Variants in ABLIM1 observed in about 807,000 individuals in gnomAD.
ABLIM1 encodes the protein actin-binding LIM protein 1.
Under a neutral mutation model 107.0 loss-of-function variants are expected in ABLIM1, and 40 were observed. The ratio of observed to expected loss-of-function variants is 0.37; its 90% CI spans 0.29 to 0.49. The LOEUF is 0.49. Ranked by LOEUF, ABLIM1 falls within the 20% of genes least tolerant of loss-of-function variation. ABLIM1 has a pLI of 0.97. For synonymous variants in ABLIM1, 357 were observed against 357.3 expected, an observed-to-expected ratio of 1.00 and a Z score of 0.01; for missense variants, 857 against 1,008.5, an observed-to-expected ratio of 0.85 and a Z score of 2.04.
rs953054933 is a variant in ABLIM1 at position 114,447,732 on chromosome 10, C to T, written c.1735+148G>A. 101 of 1,120,526 alleles carry T rather than the reference C, an allele frequency of 9.0e-5. No individual in the cohort carries two copies. The Admixed American group carries it at 2.0e-3, about 22-fold the overall frequency. 69.4% of individuals were successfully genotyped at this position (1,120,526 alleles called of 1,614,324 possible). ...CGTTTTGTACAACAAGTTAATACCA[C>T]GTTAGTTCTTTTCACTATGCTACCT... On this transcript the variant is annotated intron_variant, in intron 15 of 22. Transcript: ENST00000533213.
At chr10:114,519,154 A>G (rs1353913154) in intron 6 of ABLIM1, among the ~76,000 whole-genome samples, 1 of 152,138 alleles carries the variant, frequency 6.6e-6, no homozygotes, top group African/African-American at 2.4e-5. Flanking sequence ...GGGGATAGAG[A>G]AGCACTGAGC....
chr10:114,547,960 T>C (rs936062107), intron 4 of ABLIM1, among the ~76,000 whole-genome samples, 184 bp from the exon 5 acceptor site: 4 of 152,220 alleles, frequency 2.6e-5, no homozygotes, highest in Non-Finnish European at 5.9e-5. Flanking sequence ...GGCTGCGTCC[T>C]CGGAAGGACA....
At chr10:114,684,581 C>G in exon 1 of ABLIM1, 2 of 1,330,444 alleles carry the variant, frequency 1.5e-6, no homozygotes, top group Non-Finnish European at 1.9e-6. Context: ...ACAGATTCTG[C>G]ATCCCCTTCT....
chr10:114,640,853 T>C (rs985339521), intron 1 of ABLIM1, among the ~76,000 whole-genome samples: 1 of 152,146 alleles, frequency 6.6e-6, no homozygotes, highest in Non-Finnish European at 1.5e-5. Context: ...AGCTTTATAT[T>C]TGAGTACCAC....
At chr10:114,551,140 C>G (rs2137810894) in intron 4 of ABLIM1, among the ~76,000 whole-genome samples, 1 of 152,296 alleles carries the variant, frequency 6.6e-6, no homozygotes, top group East Asian at 1.9e-4. Context: ...CGGACAACAG[C>G]CATTGCCTAG....
chr10:114,602,303 A>G (rs1462539452), intron 1 of ABLIM1, among the ~76,000 whole-genome samples: 8 of 152,146 alleles, frequency 5.3e-5, no homozygotes, highest in African/African-American at 1.7e-4. Context: ...ATGCCTTTAT[A>G]TTGATTTAGA....
intron 4 of ABLIM1, among the ~76,000 whole-genome samples, chr10:114,559,562 T>TG (rs1013247330): frequency 1.8e-4 from 28 of 152,038 alleles, no homozygotes; most frequent in African/African-American, 6.3e-4. Context: ...GTGCTCACCC[T>TG]GGGGTCTCCC....
chr10:114,601,863 T>A lies in ABLIM1; in HGVS notation c.343A>T (p.Thr115Ser). ...AAACACTTGATGTGGAAATGTTTGG[T>A]CTGGACCCGAAGCACTTCACCCTTG... ...PCKGEVLRVQTKHFHIKCFTC... is the reference protein window; with the variant it reads ...PCKGEVLRVQSKHFHIKCFTC... Residue 115 changes from threonine (T) to serine (S), a missense_variant, in exon 2 of 23, where the codon ACC (threonine) becomes TCC (serine). Physicochemically the swap from Thr to Ser is moderately conservative, Grantham distance 58. Around this residue, in one of 5 missense-constraint regions of ABLIM1, gnomAD observed 176 missense variants for 173.5 expected, o/e 1.01. Coordinates refer to ENST00000533213, the MANE Select transcript of ABLIM1 (RefSeq NM_002313.7). The A allele has an allele frequency of 6.2e-7, 1 of 1,614,134 alleles. No homozygotes were observed. Among genetic ancestry groups the A allele is most frequent in the East Asian group, 2.2e-5 (1 of 44,872 alleles).
intron 1 of ABLIM1, among the ~76,000 whole-genome samples, chr10:114,720,524 C>T (rs2081817341): frequency 6.6e-6 from 1 of 152,110 alleles, no homozygotes; most frequent in Non-Finnish European, 1.5e-5. Flanking sequence ...TCAGCAGCCT[C>T]GCCAGCATCT....
At chr10:114,656,269 CAA>C (rs71007486) in intron 1 of ABLIM1, among the ~76,000 whole-genome samples, 39 of 63,566 alleles carry the variant, frequency 6.1e-4, no homozygotes, top group South Asian at 2.6e-3. Context: ...AACTCCGTCT[CAA>C]AAAAAAAAAA....
intron 1 of ABLIM1, among the ~76,000 whole-genome samples, chr10:114,617,158 C>T (rs937650903): frequency 5.9e-5 from 9 of 151,978 alleles, no homozygotes; most frequent in African/African-American, 2.2e-4. Context: ...AGGATATATA[C>T]TATAGTGAAG....
At chr10:114,703,782 T>A (rs940176057) in intron 1 of ABLIM1, among the ~76,000 whole-genome samples, 2 of 152,316 alleles carry the variant, frequency 1.3e-5, no homozygotes, top group South Asian at 2.1e-4. Context: ...TATCAGTTCA[T>A]TCATCTGAAC....
intron 1 of ABLIM1, among the ~76,000 whole-genome samples, chr10:114,614,219 A>G (rs1043864979): frequency 2.0e-5 from 3 of 152,150 alleles, no homozygotes; most frequent in Admixed American, 6.5e-5. Context: ...TGGGAGGCTG[A>G]GGCAGGTGGA....
chr10:114,742,210 G>A (rs1032277682), intron 1 of ABLIM1, among the ~76,000 whole-genome samples: 1 of 152,050 alleles, frequency 6.6e-6, no homozygotes, highest in African/African-American at 2.4e-5. Flanking sequence ...ACTCTTTTGC[G>A]ATTTTGCATT....
the ABLIM1 span, among the ~76,000 whole-genome samples, chr10:114,775,124 T>C: frequency 6.6e-6 from 1 of 151,770 alleles, no homozygotes; most frequent in East Asian, 1.9e-4. Flanking sequence ...GAGGGAAAAA[T>C]GCAAGCAGGG....
the ABLIM1 span, among the ~76,000 whole-genome samples, chr10:114,775,514 A>G: frequency 1.3e-5 from 2 of 152,178 alleles, no homozygotes; most frequent in Non-Finnish European, 2.9e-5. Context: ...CATTCTGAAT[A>G]CCATAGATAG....
At chr10:114,688,033 G>A (rs942969585), upstream of ABLIM1, among the ~76,000 whole-genome samples, 10 of 152,090 alleles carry the variant, frequency 6.6e-5, no homozygotes, top group African/African-American at 2.4e-4. Context: ...TGGGGCAAAA[G>A]TCATTGTGGT....
intron 12 of ABLIM1, among the ~76,000 whole-genome samples, chr10:114,459,307 T>C (rs963417689): frequency 6.6e-6 from 1 of 152,104 alleles, no homozygotes; most frequent in African/African-American, 2.4e-5. Context: ...AGCTCCAAGA[T>C]AAAAGTCAAT....
intron 1 of ABLIM1, among the ~76,000 whole-genome samples, chr10:114,683,304 T>C (rs1462495491): frequency 6.6e-6 from 1 of 152,192 alleles, no homozygotes; most frequent in East Asian, 1.9e-4. Flanking sequence ...CCAAGGCAGG[T>C]CAGTGAGGAA....
Sources: allele counts gnomAD v4.1 joint callset (sites outside exome capture counted in the v4.1 genomes callset), GRCh38; gene constraint gnomAD v4.1.1; regional missense constraint gnomAD v4.1.1; transcripts MANE v1.5; gene names NCBI Gene and HGNC (gene_info 2026-07-23, HGNC 2026-07-21).